PPHLN1: variants seen among roughly 807,000 people sequenced by gnomAD.
PPHLN1 encodes periphilin 1.
A neutral mutation model predicts 51.3 loss-of-function variants in PPHLN1; 29 were observed. The observed-to-expected ratio is 0.57, with a 90% confidence interval of 0.42 to 0.77. PPHLN1 has a LOEUF of 0.77. PPHLN1 is among the 30% of genes least tolerant of loss of function. PPHLN1 has a pLI of 0.00. For missense variants in PPHLN1, 436 were observed against 438.4 expected (o/e 0.99, Z 0.05); for synonymous variants, 147 against 147.8 (o/e 0.99, Z 0.04).
At chr12:42,444,995 TC>T, downstream of PPHLN1, 1 of 697,956 alleles carries the variant, frequency 1.4e-6, no homozygotes, top group South Asian at 1.5e-5. Flanking sequence ...CTTTTTCTGT[TC>T]AGCCCATCAA....
Position 42,431,936 on chromosome 12 carries a change from G to A in PPHLN1, c.910-9379G>A, listed in dbSNP as rs527926848. 1.1e-4 allele frequency: 163 copies of A among 1,518,272 alleles called. 1 individual carries two copies. The South Asian group carries it at 1.2e-3, about 11-fold the overall frequency. 94.1% of individuals were successfully genotyped at this position (1,518,272 alleles called of 1,614,324 possible). A position where few individuals can be genotyped will look rare whatever the true frequency, so the allele number is the denominator to read the frequency against. On this transcript the variant is annotated intron_variant, in intron 9 of 9. Coordinates refer to ENST00000358314, the MANE Select transcript of PPHLN1 (RefSeq NM_201439.2). ...CTTCGTCTACGAGACCTCGTATGAC[G>A]ATTAGTACTGTGATGAGATTTGCTG...
At chr12:42,399,611 GATA>G (rs1221805094) in intron 9 of PPHLN1, 1 of 198,356 alleles carries the variant, frequency 5.0e-6, no homozygotes, top group Non-Finnish European at 9.1e-6. Context: ...TAATTACATT[GATA>G]ATAATATTCT....
intron 9 of PPHLN1, among the ~76,000 whole-genome samples, chr12:42,416,716 G>A (rs2080420386): frequency 6.6e-6 from 1 of 152,198 alleles, no homozygotes; most frequent in African/African-American, 2.4e-5. Context: ...CTCAGAGTTA[G>A]TACAGACCCT....
At chr12:42,369,864 A>G in intron 4 of PPHLN1, among the ~76,000 whole-genome samples, 1 of 152,206 alleles carries the variant, frequency 6.6e-6, no homozygotes, top group East Asian at 1.9e-4. Context: ...TTCTCTGATG[A>G]ATTTCCAGGA....
chr12:42,446,049 A>T (rs1464466716), downstream of PPHLN1: 23 of 1,549,730 alleles, frequency 1.5e-5, 1 homozygote, highest in South Asian at 2.7e-4. Flanking sequence ...CCAGAAATGA[A>T]GGAAACGACC....
At chr12:42,431,049 G>A (rs1592978392) in intron 9 of PPHLN1, among the ~76,000 whole-genome samples, 1 of 152,092 alleles carries the variant, frequency 6.6e-6, no homozygotes, top group Non-Finnish European at 1.5e-5. Context: ...TTTAAATACT[G>A]TACACTTTAA....
chr12:42,384,835 G>C (rs147316041), intron 5 of PPHLN1, 105 bp from the exon 6 acceptor site: 1 of 1,070,850 alleles, frequency 9.3e-7, no homozygotes, highest in Admixed American at 2.2e-5. Context: ...ACCAGAAAAT[G>C]CTCAGAAGCC....
chr12:42,336,492 A>G (rs909747631), intron 2 of PPHLN1, among the ~76,000 whole-genome samples: 4 of 152,220 alleles, frequency 2.6e-5, no homozygotes, highest in Non-Finnish European at 5.9e-5. Context: ...GTAAGTAAGA[A>G]TGCCTGGAGG....
intron 9 of PPHLN1, among the ~76,000 whole-genome samples, chr12:42,436,712 G>C (rs2082516554): frequency 6.6e-6 from 1 of 152,128 alleles, no homozygotes; most frequent in African/African-American, 2.4e-5. Flanking sequence ...TCCGACAACT[G>C]AGAGGGCTAC....
intron 4 of PPHLN1, chr12:42,361,241 G>C (rs61926573): frequency 0.16 from 24,746 of 152,390 alleles, 2,061 homozygotes; most frequent in Admixed American, 0.2. Flanking sequence ...ACCATCGTCA[G>C]ACCAAGAAGA....
Position 42,405,878 on chromosome 12 carries a change from T to C in PPHLN1, c.909+6884T>C, listed in dbSNP as rs2079245732. ...GCTTTTTTTTTAAAATCACTTTTAGTGATGTATGTAATACAGAAAGAAGAG... is the reference window on the plus strand; with the variant it reads ...GCTTTTTTTTTAAAATCACTTTTAGCGATGTATGTAATACAGAAAGAAGAG... On this transcript the variant is annotated intron_variant, in intron 9 of 9. Coordinates refer to ENST00000358314, the MANE Select transcript of PPHLN1 (RefSeq NM_201439.2). Among the ~76,000 whole-genome samples, 4 of 152,106 alleles carry C rather than the reference T, an allele frequency of 2.6e-5. No individual in the cohort carries two copies. The South Asian group carries it at 8.3e-4, about 31-fold the overall frequency.
At chr12:42,418,797 A>G (rs556720235) in intron 9 of PPHLN1, among the ~76,000 whole-genome samples, 1 of 152,292 alleles carries the variant, frequency 6.6e-6, no homozygotes, top group South Asian at 2.1e-4. Flanking sequence ...TACATTTTAA[A>G]AATATCTTTC....
chr12:42,435,138 G>A (rs1381506681), intron 9 of PPHLN1, among the ~76,000 whole-genome samples: 1 of 152,144 alleles, frequency 6.6e-6, no homozygotes, highest in Non-Finnish European at 1.5e-5. Context: ...AAACTAATAA[G>A]CTGAAAGGGA....
chr12:42,370,009 G>T (rs754011), intron 4 of PPHLN1, among the ~76,000 whole-genome samples: 4,245 of 152,200 alleles, frequency 0.028, 217 homozygotes, highest in African/African-American at 0.097. Flanking sequence ...ATATCCACAG[G>T]CATGGCCAGG....
At chr12:42,414,550 G>GC (rs1316366793) in intron 9 of PPHLN1, among the ~76,000 whole-genome samples, 2 of 75,900 alleles carry the variant, frequency 2.6e-5, no homozygotes, top group Non-Finnish European at 7.7e-5. Flanking sequence ...TATTGTAAAA[G>GC]GATTGAGTTC....
intron 3 of PPHLN1, among the ~76,000 whole-genome samples, chr12:42,354,926 G>GTT (rs1402272877): frequency 2.0e-5 from 3 of 152,148 alleles, no homozygotes; most frequent in Admixed American, 6.5e-5. Context: ...CAATTAGCTT[G>GTT]TTTGAGTCTA....
chr12:42,416,677 C>A (rs1038054498), intron 9 of PPHLN1, among the ~76,000 whole-genome samples: 4 of 152,206 alleles, frequency 2.6e-5, no homozygotes, highest in African/African-American at 9.7e-5. Flanking sequence ...CTTAACTGGT[C>A]TACTGCAACT....
At chr12:42,381,885 A>G (rs2076785504) in intron 5 of PPHLN1, among the ~76,000 whole-genome samples, 1 of 152,196 alleles carries the variant, frequency 6.6e-6, no homozygotes, top group Non-Finnish European at 1.5e-5. Flanking sequence ...TTGTTTCTTG[A>G]TGAGACTTGC....
chr12:42,334,581 A>G (rs2070307226), intron 1 of PPHLN1, among the ~76,000 whole-genome samples: 1 of 152,188 alleles, frequency 6.6e-6, no homozygotes, highest in Admixed American at 6.5e-5. Context: ...CTCCCTTAGT[A>G]TTACATTATA....
Sources: gnomAD v4.1 joint callset for allele counts (sites outside exome capture counted in the v4.1 genomes callset) on GRCh38, gnomAD v4.1.1 for gene constraint, MANE v1.5 for transcripts, NCBI Gene and HGNC (gene_info 2026-07-23, HGNC 2026-07-21) for gene names.